The following ATF7IP2 variants were observed in gnomAD, a reference collection of about 807,000 sequenced individuals.
The protein encoded by ATF7IP2 is activating transcription factor 7-interacting protein 2.
A neutral mutation model predicts 64.2 loss-of-function variants in ATF7IP2; 42 were observed. The ratio of observed to expected loss-of-function variants is 0.65; its 90% confidence interval spans 0.51 to 0.85. ATF7IP2 has a LOEUF of 0.85. Ranked by LOEUF, ATF7IP2 falls within the 40% of genes least tolerant of loss-of-function variation. The probability of loss-of-function intolerance (pLI) is 0.00; values close to 1 mark genes in which losing one functional copy is unlikely to be tolerated. For synonymous variants in ATF7IP2, 308 were observed against 272.8 expected (o/e 1.13, Z -1.27); for missense variants, 933 against 784.2 (o/e 1.19, Z -2.27).
In ATF7IP2 at chr16:10,473,976, C is replaced by A; in HGVS notation, c.1536C>A (p.Ser512=). 1 of 1,596,912 alleles carries A rather than the reference C, an allele frequency of 6.3e-7. No homozygotes were observed. The highest frequency in any genetic ancestry group is 8.6e-7 in the Non-Finnish European group (1 of 1,168,340). ...SIIDLTKEGL[S]NCNTESPVSP... is the part of the protein sequence containing the mutation. Reference sequence around the variant, plus strand: ...TTGATTTGACAAAAGAAGGCCTATCCAACTGCAATACAGGTAAAAGGATTT... The same window carrying A: ...TTGATTTGACAAAAGAAGGCCTATCAAACTGCAATACAGGTAAAAGGATTT... The change falls in exon 12 of 14, where the codon TCC becomes TCA. Residue 512 remains serine (S), a synonymous_variant. Transcript: ENST00000562102.
chr16:10,471,675 C>G (rs142523531), intron 9 of ATF7IP2, among the ~76,000 whole-genome samples: 377 of 152,138 alleles, frequency 2.5e-3, no homozygotes, highest in African/African-American at 7.4e-3. Context: ...AGTAGCAGTT[C>G]TTTTTAAAAT....
chr16:10,424,484 C>A lies in ATF7IP2; in HGVS notation c.-159-4384C>A, dbSNP rs921027943. Among the ~76,000 whole-genome samples the A allele has an allele frequency of 3.9e-5, 6 of 152,260 alleles. No homozygotes were observed. In the South Asian group the frequency reaches 6.2e-4, roughly 16 times the overall value. ...AACACACGTAAATGTGTTTTTAAAT[C>A]TTTAGAAATTATGCTTTATGAAAAT... On this transcript the variant is annotated intron_variant, in intron 3 of 13. Transcript: ENST00000562102.
At chr16:10,415,682 G>A (rs1320303403) in intron 2 of ATF7IP2, among the ~76,000 whole-genome samples, 1 of 152,178 alleles carries the variant, frequency 6.6e-6, no homozygotes, top group African/African-American at 2.4e-5. Context: ...GGCACAGAAT[G>A]GGAGAAAATA....
chr16:10,387,392 A>T (rs1394629427), intron 1 of ATF7IP2: 2 of 152,262 alleles, frequency 1.3e-5, no homozygotes, highest in African/African-American at 4.8e-5. Context: ...ATCTGCAGAT[A>T]TGTACAGACC....
intron 12 of ATF7IP2, among the ~76,000 whole-genome samples, chr16:10,477,256 C>A (rs1199225312): frequency 6.6e-6 from 1 of 152,102 alleles, no homozygotes; most frequent in Non-Finnish European, 1.5e-5. Context: ...GAAAAAGCAA[C>A]CCCATTAAAA....
intron 1 of ATF7IP2, among the ~76,000 whole-genome samples, chr16:10,408,744 T>G (rs2047692519): frequency 6.6e-6 from 1 of 152,208 alleles, no homozygotes; most frequent in African/African-American, 2.4e-5. Flanking sequence ...TATTAGTCAT[T>G]TGTTGGATGT....
intron 12 of ATF7IP2, among the ~76,000 whole-genome samples, chr16:10,477,524 T>A (rs375535645): frequency 1.3e-5 from 2 of 152,044 alleles, no homozygotes; most frequent in South Asian, 4.1e-4. Flanking sequence ...AATATCATAC[T>A]GAATGGGCAA....
At chr16:10,414,918 C>T (rs568519600) in intron 2 of ATF7IP2, among the ~76,000 whole-genome samples, 31 of 151,794 alleles carry the variant, frequency 2.0e-4, no homozygotes, top group East Asian at 1.7e-3. Context: ...AGTAACTAAC[C>T]GAAGATGTGA....
chr16:10,474,905 T>A (rs2049946521), intron 12 of ATF7IP2, among the ~76,000 whole-genome samples: 1 of 152,146 alleles, frequency 6.6e-6, no homozygotes, highest in Non-Finnish European at 1.5e-5. Context: ...ATTCTTTATC[T>A]AGAAAATATG....
Position 10,478,743 on chromosome 16 carries a change from G to A in ATF7IP2, c.1550-2136G>A, listed in dbSNP as rs1036211815. ...ACCTACAAAATGGGAGAAAATTTTC[G>A]CAATCTACTCATCTGACAAAGGGCT... On this transcript the variant is annotated intron_variant, in intron 12 of 13. Coordinates refer to ENST00000562102, the MANE Select transcript of ATF7IP2 (RefSeq NM_001393719.1). Among the ~76,000 whole-genome samples the A allele has an allele frequency of 8.5e-5, 13 of 152,218 alleles. No individual in the cohort carries two copies. In the East Asian group the frequency reaches 9.6e-4, roughly 11 times the overall value.
intron 9 of ATF7IP2, among the ~76,000 whole-genome samples, chr16:10,471,460 A>G (rs904987085): frequency 2.0e-5 from 3 of 152,098 alleles, no homozygotes; most frequent in Non-Finnish European, 2.9e-5. Flanking sequence ...CCTGGGAGAC[A>G]GAGGTTTCGG....
intron 5 of ATF7IP2, among the ~76,000 whole-genome samples, chr16:10,432,363 G>T (rs1233141790): frequency 2.0e-5 from 3 of 152,090 alleles, no homozygotes; most frequent in African/African-American, 7.2e-5. Context: ...TAAATTTTGT[G>T]TTCTTGTCTA....
intron 8 of ATF7IP2, among the ~76,000 whole-genome samples, chr16:10,440,994 A>G (rs2048599616): frequency 6.6e-6 from 1 of 152,100 alleles, no homozygotes; most frequent in Non-Finnish European, 1.5e-5. Context: ...GAGTGAGAAC[A>G]TGTAGTGTTT....
At chr16:10,471,984 C>T in intron 9 of ATF7IP2, 126 bp from the exon 10 acceptor site, 1 of 439,022 alleles carries the variant, frequency 2.3e-6, no homozygotes. Context: ...TTTCTATTTC[C>T]CCCCACGATT....
chr16:10,457,964 G>T (rs148533089), intron 9 of ATF7IP2, among the ~76,000 whole-genome samples: 1 of 152,240 alleles, frequency 6.6e-6, no homozygotes, highest in Non-Finnish European at 1.5e-5. Flanking sequence ...TGTCTGCCTC[G>T]GCCTCCCAGA....
chr16:10,409,552 A>G (rs974377790), intron 1 of ATF7IP2, among the ~76,000 whole-genome samples: 3 of 151,540 alleles, frequency 2.0e-5, no homozygotes, highest in Non-Finnish European at 2.9e-5. Context: ...TCAGCCTCCT[A>G]AGTAGCTGAG....
intron 1 of ATF7IP2, among the ~76,000 whole-genome samples, chr16:10,398,173 G>A (rs2047455256): frequency 6.6e-6 from 1 of 151,776 alleles, no homozygotes. Flanking sequence ...GTGCAGTGGT[G>A]GACACCTGTA....
intron 12 of ATF7IP2, among the ~76,000 whole-genome samples, chr16:10,474,516 G>C (rs1047871828): frequency 5.9e-5 from 9 of 152,130 alleles, no homozygotes; most frequent in African/African-American, 2.2e-4. Context: ...GACGCACAGA[G>C]AAACAGAAAC....
In ATF7IP2 at chr16:10,440,687, A is replaced by G. The variant is rs562163029; in HGVS notation, c.1194+225A>G. Reference sequence around the variant, plus strand: ...GTAGAAAGAGGATTGGTGATTGCCAAGATTGGCTTCCCCCACCCCCATTTT... The same window carrying G: ...GTAGAAAGAGGATTGGTGATTGCCAGGATTGGCTTCCCCCACCCCCATTTT... On this transcript the variant is annotated intron_variant, in intron 8 of 13. Transcript: ENST00000562102. 1.1e-4 allele frequency among the ~76,000 whole-genome samples: 17 copies of G among 152,364 alleles called. No homozygotes were observed. The South Asian group carries it at 3.5e-3, about 32-fold the overall frequency.
Sources: gnomAD v4.1 joint callset for allele counts (sites outside exome capture counted in the v4.1 genomes callset) on GRCh38, gnomAD v4.1.1 for gene constraint, MANE v1.5 for transcripts, NCBI Gene and HGNC (gene_info 2026-07-23, HGNC 2026-07-21) for gene names.